The following MALRD1 variants were observed in gnomAD, a reference collection of about 807,000 sequenced individuals.
MALRD1 encodes MAM and LDL receptor class A domain containing 1, also known as MAM and LDL-receptor class A domain-containing protein 1.
MALRD1 carries 247 observed loss-of-function variants against 242.1 expected under a neutral mutation model. That is an observed-to-expected ratio of 1.02 (90% CI 0.92 to 1.13). The LOEUF is 1.13. Among genes scored for constraint, MALRD1 ranks in the 50% most tolerant of loss-of-function variants. MALRD1 has a pLI of 0.00. For missense variants in MALRD1, 2,989 were observed against 2,533.1 expected (o/e 1.18, Z -3.86); for synonymous variants, 995 against 866.6 (o/e 1.15, Z -2.60).
At chr10:19,444,734 C>T (rs1834868252) in intron 28 of MALRD1, among the ~76,000 whole-genome samples, 1 of 152,102 alleles carries the variant, frequency 6.6e-6, no homozygotes, top group Non-Finnish European at 1.5e-5. Flanking sequence ...CTCTGGCTGC[C>T]CTTAACATTT....
chr10:19,357,470 T>C (rs902377066), intron 26 of MALRD1, among the ~76,000 whole-genome samples: 1 of 152,200 alleles, frequency 6.6e-6, no homozygotes, highest in African/African-American at 2.4e-5. Flanking sequence ...CCTTGTTTAT[T>C]TGCATTTTAT....
intron 36 of MALRD1, among the ~76,000 whole-genome samples, chr10:19,687,088 C>T (rs934967248): frequency 1.3e-5 from 2 of 151,508 alleles, no homozygotes; most frequent in African/African-American, 2.4e-5. Flanking sequence ...TAATAATTTC[C>T]TATAATAAGA....
intron 5 of MALRD1, among the ~76,000 whole-genome samples, chr10:19,120,052 G>T (rs1024600897): frequency 2.6e-5 from 4 of 151,968 alleles, no homozygotes; most frequent in Non-Finnish European, 5.9e-5. Context: ...AAAAATTTTG[G>T]GCCTGAGGTA....
At chr10:19,478,630 T>G (rs1836850644) in intron 29 of MALRD1, among the ~76,000 whole-genome samples, 1 of 152,204 alleles carries the variant, frequency 6.6e-6, no homozygotes, top group African/African-American at 2.4e-5. Flanking sequence ...TTCACCTTTC[T>G]CAAAAAGAGC....
At chr10:19,187,830 T>C (rs754116768) in intron 14 of MALRD1, among the ~76,000 whole-genome samples, 11 of 152,066 alleles carry the variant, frequency 7.2e-5, no homozygotes, top group Non-Finnish European at 1.3e-4. Context: ...GGTGGGTAGG[T>C]TTCAAAACTA....
intron 21 of MALRD1, among the ~76,000 whole-genome samples, chr10:19,300,741 C>G (rs1362296657): frequency 6.6e-6 from 1 of 151,936 alleles, no homozygotes; most frequent in Non-Finnish European, 1.5e-5. Flanking sequence ...AATGTAAAAC[C>G]TAAAACTATA....
rs1841857967 is a variant in MALRD1 at position 19,670,198 on chromosome 10, A to T, written c.6138-22084A>T. ...GAATGCTTTCTGGAAGTTAAAAATT[A>T]CTCCAAATGTATGCTTTCTTCTCAT... is the stretch of plus-strand genomic sequence containing the variant. On this transcript the variant is annotated intron_variant, in intron 36 of 39. Coordinates refer to ENST00000454679, the MANE Select transcript of MALRD1 (RefSeq NM_001142308.3). 4.6e-5 allele frequency among the ~76,000 whole-genome samples: 7 copies of T among 151,926 alleles called. No homozygotes were observed. In the South Asian group the frequency reaches 1.4e-3, roughly 31 times the overall value.
At chr10:19,451,462 T>G (rs1008539840) in intron 29 of MALRD1, among the ~76,000 whole-genome samples, 12 of 152,202 alleles carry the variant, frequency 7.9e-5, no homozygotes, top group Admixed American at 1.3e-4. Context: ...TAAATACATT[T>G]GTACAATTTC....
chr10:19,259,914 A>C (rs1258338285), intron 19 of MALRD1, among the ~76,000 whole-genome samples: 1 of 151,992 alleles, frequency 6.6e-6, no homozygotes, highest in Non-Finnish European at 1.5e-5. Context: ...CTTATGGTTA[A>C]ATTTCTATTT....
At chr10:19,058,014 G>A (rs759902715) in intron 1 of MALRD1, among the ~76,000 whole-genome samples, 2 of 152,158 alleles carry the variant, frequency 1.3e-5, no homozygotes, top group Non-Finnish European at 2.9e-5. Context: ...AGTAATTTCA[G>A]CTGATTTGTA....
At chr10:19,312,549 T>C (rs1483536378) in intron 21 of MALRD1, among the ~76,000 whole-genome samples, 1 of 151,140 alleles carries the variant, frequency 6.6e-6, no homozygotes, top group Non-Finnish European at 1.5e-5. Flanking sequence ...TGAATACACA[T>C]ATATAGGAGC....
At chr10:19,610,725 G>C (rs185029386) in intron 35 of MALRD1, among the ~76,000 whole-genome samples, 1 of 152,134 alleles carries the variant, frequency 6.6e-6, no homozygotes, top group East Asian at 1.9e-4. Context: ...TACTCTAACA[G>C]GCTTTGGAGT....
chr10:19,696,070 A>G (rs1833365104), intron 38 of MALRD1, among the ~76,000 whole-genome samples: 1 of 152,184 alleles, frequency 6.6e-6, no homozygotes. Flanking sequence ...GACTCGTGGC[A>G]CTAATGTTTT....
chr10:19,539,466 T>C lies in MALRD1; in HGVS notation c.5478+8115T>C, dbSNP rs903806415. On this transcript the variant is annotated intron_variant, in intron 32 of 39. Coordinates refer to ENST00000454679, the MANE Select transcript of MALRD1 (RefSeq NM_001142308.3). ...TGATAAAATCTAATTCTTTAAAAGGTATTTTGCATATTTTGTGTTCTGCAT... is the reference window on the plus strand; with the variant it reads ...TGATAAAATCTAATTCTTTAAAAGGCATTTTGCATATTTTGTGTTCTGCAT... Among the ~76,000 whole-genome samples the C allele has an allele frequency of 1.3e-4, 20 of 152,240 alleles. 1 individual carries two copies. The highest frequency in any genetic ancestry group is 1.2e-3 in the Admixed American group (19 of 15,286).
intron 33 of MALRD1, among the ~76,000 whole-genome samples, chr10:19,568,505 C>T (rs1474669655): frequency 2.6e-5 from 4 of 152,060 alleles, no homozygotes; most frequent in Non-Finnish European, 4.4e-5. Flanking sequence ...CTATCTAAAA[C>T]ATCAACTTCT....
rs1220550206 is a variant in MALRD1 at position 19,424,652 on chromosome 10, T to C, written c.4846-25655T>C. On this transcript the variant is annotated intron_variant, in intron 28 of 39. Transcript: ENST00000454679. ...ATATTACATAAATGTGTTCATTGCT[T>C]TTGTGACATGGACAATTCAGCATTG... Among the ~76,000 whole-genome samples, 19 of 152,248 alleles carry C rather than the reference T, an allele frequency of 1.2e-4. 1 individual carries two copies. Among genetic ancestry groups the C allele is most frequent in the Admixed American group, 1.2e-3 (19 of 15,288 alleles).
intron 8 of MALRD1, among the ~76,000 whole-genome samples, chr10:19,131,118 C>G (rs2131399278): frequency 6.6e-6 from 1 of 152,152 alleles, no homozygotes; most frequent in African/African-American, 2.4e-5. Context: ...AAATCTGCAT[C>G]AAAGTACATT....
intron 18 of MALRD1, among the ~76,000 whole-genome samples, chr10:19,238,503 A>AC (rs376375813): frequency 6.2e-4 from 26 of 42,140 alleles, no homozygotes; most frequent in African/African-American, 2.5e-3. Context: ...TATATAATAT[A>AC]ATATATAATG....
intron 38 of MALRD1, among the ~76,000 whole-genome samples, chr10:19,705,804 T>TAAAAAAAAAAAAAAAAAAAAAAAA (rs61437328): frequency 6.8e-5 from 7 of 102,864 alleles, no homozygotes; most frequent in East Asian, 5.9e-4. Flanking sequence ...CCTGCAATAG[T>TAAAAAAAAAAAAAAAAAAAAAAAA]AAAAAAAAAA....
Sources: allele counts gnomAD v4.1 joint callset (sites outside exome capture counted in the v4.1 genomes callset), GRCh38; gene constraint gnomAD v4.1.1; transcripts MANE v1.5; gene names NCBI Gene and HGNC (gene_info 2026-07-23, HGNC 2026-07-21).